ATF6: variants seen among roughly 807,000 people sequenced by gnomAD.
ATF6 encodes activating transcription factor 6, also known as cyclic AMP-dependent transcription factor ATF-6 alpha.
Under a neutral mutation model 83.6 loss-of-function variants are expected in ATF6, and 53 were observed. The observed-to-expected ratio is 0.63, with a 90% CI of 0.51 to 0.80. The LOEUF is 0.80. ATF6 is among the 30% of genes least tolerant of loss of function. The pLI is 0.00. For synonymous variants in ATF6, 288 were observed against 285.8 expected (o/e 1.01, Z -0.08); for missense variants, 744 against 797.9 (o/e 0.93, Z 0.81).
chr1:161,868,655 GT>G (rs113508615), intron 14 of ATF6, among the ~76,000 whole-genome samples: 1,749 of 147,656 alleles, frequency 0.012, 24 homozygotes, highest in African/African-American at 0.033. Flanking sequence ...CATTTAAAAG[GT>G]TTTTTTTTTT....
chr1:161,828,957 G>A (rs1685974204), intron 9 of ATF6, among the ~76,000 whole-genome samples: 1 of 152,086 alleles, frequency 6.6e-6, no homozygotes, highest in African/African-American at 2.4e-5. Context: ...CAAGCAAATG[G>A]AAAACAAAAG....
At chr1:161,792,928 T>C (rs1684916627) in intron 6 of ATF6, among the ~76,000 whole-genome samples, 1 of 152,202 alleles carries the variant, frequency 6.6e-6, no homozygotes, top group African/African-American at 2.4e-5. Flanking sequence ...TTTGGTACTA[T>C]TCAGATATGG....
chr1:161,862,479 G>A (rs1340646260), intron 13 of ATF6, among the ~76,000 whole-genome samples: 3 of 152,156 alleles, frequency 2.0e-5, no homozygotes, highest in Non-Finnish European at 4.4e-5. Context: ...GGGGCATGAT[G>A]TGGTTTGAGG....
chr1:161,771,269 TTAAGA>T (rs1291982022), intron 1 of ATF6, among the ~76,000 whole-genome samples: 1 of 152,150 alleles, frequency 6.6e-6, no homozygotes, highest in African/African-American at 2.4e-5. Flanking sequence ...TCAGCTGTAC[TTAAGA>T]TATGTGTATC....
intron 15 of ATF6, among the ~76,000 whole-genome samples, chr1:161,926,820 A>G (rs555825189): frequency 6.6e-6 from 1 of 152,294 alleles, no homozygotes; most frequent in African/African-American, 2.4e-5. Context: ...CCTAGAAACT[A>G]TCCTATTACC....
rs1417650970 is a variant in ATF6 at position 161,919,264 on chromosome 1, C to A, written c.1804+6884C>A. Reference sequence around the variant, plus strand: ...AAATAAAAATAGAATGCTAGGTATGCTTTGAAAAGGCTTTTTTAAAAAAGG... The same window carrying A: ...AAATAAAAATAGAATGCTAGGTATGATTTGAAAAGGCTTTTTTAAAAAAGG... On this transcript the variant is annotated intron_variant, in intron 15 of 15. Coordinates refer to ENST00000367942, the MANE Select transcript of ATF6 (RefSeq NM_007348.4). 2.0e-5 allele frequency among the ~76,000 whole-genome samples: 3 copies of A among 152,096 alleles called. No homozygotes were observed. In the East Asian group the frequency reaches 5.8e-4, roughly 29 times the overall value.
intron 11 of ATF6, among the ~76,000 whole-genome samples, chr1:161,852,072 G>T (rs1023652870): frequency 6.6e-6 from 1 of 152,140 alleles, no homozygotes; most frequent in Non-Finnish European, 1.5e-5. Flanking sequence ...ACTACAGAAT[G>T]AAATTAATAT....
chr1:161,947,799 T>C (rs12025202), intron 15 of ATF6, among the ~76,000 whole-genome samples: 29,681 of 141,850 alleles, frequency 0.21, 4,595 homozygotes, highest in African/African-American at 0.39. Flanking sequence ...TCCATAGTCC[T>C]TAAGCCACGC....
At chr1:161,846,606 G>A (rs1686493342) in intron 10 of ATF6, 26 bp downstream of exon 10, 1 of 1,566,654 alleles carries the variant, frequency 6.4e-7, no homozygotes, top group Non-Finnish European at 8.7e-7. Context: ...TCTATCTTTT[G>A]GCCTAAGTGA....
rs1012857850 is a variant in ATF6 at position 161,939,889 on chromosome 1, CTTT to C, written c.1805-18555_1805-18553del. Among the ~76,000 whole-genome samples the C allele has an allele frequency of 2.6e-5, 4 of 152,324 alleles. No individual in the cohort carries two copies. In the South Asian group the frequency reaches 6.2e-4, roughly 24 times the overall value. On this transcript the variant is annotated intron_variant, in intron 15 of 15. Transcript: ENST00000367942. ...GGCTTCCAGCTAAAATGGAGCAGTT[CTTT>C]TACTAGAGGAAAAAGAGCGTGATGG...
intron 15 of ATF6, among the ~76,000 whole-genome samples, chr1:161,936,933 G>A (rs1373803237): frequency 1.3e-5 from 2 of 151,922 alleles, no homozygotes; most frequent in African/African-American, 4.8e-5. Context: ...AACCTTCCTT[G>A]CAGTCATCCT....
At chr1:161,824,955 C>G (rs2101790884) in intron 9 of ATF6, among the ~76,000 whole-genome samples, 1 of 152,260 alleles carries the variant, frequency 6.6e-6, no homozygotes, top group South Asian at 2.1e-4. Flanking sequence ...AAATGAAAAA[C>G]TTTTTGTTTA....
chr1:161,901,322 AAAGG>A (rs1285218357), intron 14 of ATF6, among the ~76,000 whole-genome samples: 1 of 152,096 alleles, frequency 6.6e-6, no homozygotes, highest in Non-Finnish European at 1.5e-5. Context: ...ACATTGCTCC[AAAGG>A]AAGATATACA....
intron 15 of ATF6, among the ~76,000 whole-genome samples, chr1:161,938,786 T>C (rs1320798116): frequency 2.0e-5 from 3 of 152,234 alleles, no homozygotes; most frequent in African/African-American, 4.8e-5. Context: ...AAGAGAGAAT[T>C]ACTCCTTTAT....
At chr1:161,800,810 A>C (rs1685126006) in intron 6 of ATF6, among the ~76,000 whole-genome samples, 1 of 152,318 alleles carries the variant, frequency 6.6e-6, no homozygotes, top group Admixed American at 6.5e-5. Flanking sequence ...GATGACTTCT[A>C]AAAATGTTTT....
intron 7 of ATF6, among the ~76,000 whole-genome samples, chr1:161,818,619 A>G (rs1433667339): frequency 6.6e-6 from 1 of 152,206 alleles, no homozygotes; most frequent in Non-Finnish European, 1.5e-5. Flanking sequence ...GTTCAAATGG[A>G]CCTTGGAATT....
chr1:161,838,532 G>A (rs558591842), intron 9 of ATF6, among the ~76,000 whole-genome samples: 4 of 152,272 alleles, frequency 2.6e-5, no homozygotes, highest in African/African-American at 9.6e-5. Flanking sequence ...CCAGTAAGTT[G>A]GTGACGGCTT....
chr1:161,796,609 A>G (rs1685027300), intron 6 of ATF6, among the ~76,000 whole-genome samples: 1 of 152,236 alleles, frequency 6.6e-6, no homozygotes, highest in Non-Finnish European at 1.5e-5. Context: ...CTTCTGACTA[A>G]TAAACTCCAA....
In ATF6 at chr1:161,802,230, T is replaced by G; in HGVS notation, c.867T>G (p.Thr289=). 4 of 1,614,044 alleles carry G rather than the reference T, an allele frequency of 2.5e-6. No homozygotes were observed. Among genetic ancestry groups the G allele is most frequent in the Non-Finnish European group, 3.4e-6 (4 of 1,179,982 alleles). The change falls in exon 7 of 16, where the codon ACT becomes ACG. Residue 289 remains threonine, a synonymous_variant. Coordinates refer to ENST00000367942, the MANE Select transcript of ATF6 (RefSeq NM_007348.4). ...CAGTGAATGGAAAACTTTCCGTGAC[T>G]AAACCTGTCCTACAAAGTACCATGA... The part of the protein sequence containing the change: ...NSPVNGKLSV[T]KPVLQSTMRN...
Sources: gnomAD v4.1 joint callset for allele counts (sites outside exome capture counted in the v4.1 genomes callset) on GRCh38, gnomAD v4.1.1 for gene constraint, MANE v1.5 for transcripts, NCBI Gene and HGNC (gene_info 2026-07-23, HGNC 2026-07-21) for gene names.